The following KCNIP4 variants were observed in gnomAD, a reference collection of about 807,000 sequenced individuals.
The protein encoded by KCNIP4 is Kv channel-interacting protein 4.
Under a neutral mutation model 34.0 loss-of-function variants are expected in KCNIP4, and 12 were observed. The ratio of observed to expected loss-of-function variants is 0.35; its 90% CI spans 0.23 to 0.57. The LOEUF is 0.57. KCNIP4 is among the 20% of genes least tolerant of loss of function. The probability of loss-of-function intolerance (pLI) is 0.83; values close to 1 mark genes in which losing one functional copy is unlikely to be tolerated. For missense variants in KCNIP4, 238 were observed against 311.7 expected (o/e 0.76, Z 1.78); for synonymous variants, 124 against 102.2 (o/e 1.21, Z -1.29).
At chr4:21,389,871 C>G (rs1050361047) in intron 1 of KCNIP4, among the ~76,000 whole-genome samples, 1 of 152,010 alleles carries the variant, frequency 6.6e-6, no homozygotes, top group Non-Finnish European at 1.5e-5. Flanking sequence ...CTTGAGGAAT[C>G]GCCACACTGT....
At chr4:21,842,053 C>A (rs1723718688) in intron 1 of KCNIP4, among the ~76,000 whole-genome samples, 2 of 152,172 alleles carry the variant, frequency 1.3e-5, no homozygotes, top group African/African-American at 4.8e-5. Flanking sequence ...CTTGGCAGAA[C>A]CTGTAAGTGC....
intron 1 of KCNIP4, among the ~76,000 whole-genome samples, chr4:21,272,300 C>T (rs1762200355): frequency 6.6e-6 from 1 of 152,128 alleles, no homozygotes; most frequent in South Asian, 2.1e-4. Flanking sequence ...ATTACAAATG[C>T]TATATTAGAG....
intron 1 of KCNIP4, among the ~76,000 whole-genome samples, chr4:21,056,704 C>A (rs1192365185): frequency 6.6e-6 from 1 of 152,114 alleles, no homozygotes; most frequent in Admixed American, 6.5e-5. Context: ...CTATTATAAA[C>A]CTTTGTGACC....
chr4:21,630,192 C>T (rs926465917), intron 1 of KCNIP4, among the ~76,000 whole-genome samples: 3 of 151,248 alleles, frequency 2.0e-5, no homozygotes, highest in Admixed American at 6.6e-5. Context: ...AAGCCTTCAG[C>T]GCGGTGGCTC....
intron 1 of KCNIP4, among the ~76,000 whole-genome samples, chr4:20,963,020 G>A (rs1353035447): frequency 1.3e-5 from 2 of 152,100 alleles, no homozygotes; most frequent in African/African-American, 4.8e-5. Context: ...AAATTGAAAT[G>A]GGAGCATGAT....
chr4:20,980,801 C>T (rs922003675), intron 1 of KCNIP4, among the ~76,000 whole-genome samples: 1 of 147,772 alleles, frequency 6.8e-6, no homozygotes, highest in Non-Finnish European at 1.5e-5. Context: ...ACCTTCACTT[C>T]TCCACCATAA....
intron 2 of KCNIP4, among the ~76,000 whole-genome samples, chr4:20,868,323 A>G (rs1021596449): frequency 6.6e-6 from 1 of 152,170 alleles, no homozygotes; most frequent in Non-Finnish European, 1.5e-5. Flanking sequence ...CAGAATGGCT[A>G]TTATTAGAAA....
At chr4:21,165,653 G>T (rs961928854) in intron 1 of KCNIP4, among the ~76,000 whole-genome samples, 4 of 151,984 alleles carry the variant, frequency 2.6e-5, no homozygotes, top group African/African-American at 9.7e-5. Context: ...CTAGATATGA[G>T]ACCAAAAACA....
At chr4:21,756,095 C>T (rs1011025029) in intron 1 of KCNIP4, among the ~76,000 whole-genome samples, 2 of 152,162 alleles carry the variant, frequency 1.3e-5, no homozygotes, top group Non-Finnish European at 2.9e-5. Context: ...TCAACTGATA[C>T]TTTATAGCTA....
At chr4:21,790,937 TG>T (rs1720234839) in intron 1 of KCNIP4, among the ~76,000 whole-genome samples, 1 of 131,710 alleles carries the variant, frequency 7.6e-6, no homozygotes, top group Non-Finnish European at 1.5e-5. Flanking sequence ...TCAACTGAAA[TG>T]TGTGGCTCCT....
intron 1 of KCNIP4, among the ~76,000 whole-genome samples, chr4:21,167,619 T>A (rs1230498590): frequency 2.6e-5 from 4 of 152,204 alleles, no homozygotes; most frequent in South Asian, 2.1e-4. Context: ...ACATTGAGAT[T>A]CAAAGCATTG....
chr4:21,677,374 A>G (rs1463182597), intron 1 of KCNIP4, among the ~76,000 whole-genome samples: 1 of 152,238 alleles, frequency 6.6e-6, no homozygotes, highest in Non-Finnish European at 1.5e-5. Flanking sequence ...ATATTATCAC[A>G]GAAGGTTCCT....
intron 1 of KCNIP4, among the ~76,000 whole-genome samples, chr4:21,195,158 G>A (rs1185603211): frequency 6.6e-6 from 1 of 152,138 alleles, no homozygotes; most frequent in Non-Finnish European, 1.5e-5. Flanking sequence ...CTCCCTCAAG[G>A]TCATTGATGA....
chr4:21,468,059 C>T (rs1730146566), intron 1 of KCNIP4, among the ~76,000 whole-genome samples: 1 of 152,086 alleles, frequency 6.6e-6, no homozygotes, highest in African/African-American at 2.4e-5. Flanking sequence ...AAATGGATCA[C>T]TCTGCAAAAA....
intron 1 of KCNIP4, among the ~76,000 whole-genome samples, chr4:21,116,319 T>C (rs929987229): frequency 2.0e-5 from 3 of 152,252 alleles, no homozygotes; most frequent in Non-Finnish European, 2.9e-5. Flanking sequence ...TTGCTGTTGT[T>C]GTTGTGGCTT....
At chr4:21,599,038 A>T (rs956109568) in intron 1 of KCNIP4, among the ~76,000 whole-genome samples, 10 of 152,024 alleles carry the variant, frequency 6.6e-5, no homozygotes, top group African/African-American at 2.4e-4. Context: ...CTACAGCTGG[A>T]TTATTGTTTT....
chr4:21,690,501 G>T (rs1323633252), intron 1 of KCNIP4, among the ~76,000 whole-genome samples: 3 of 151,986 alleles, frequency 2.0e-5, no homozygotes, highest in Non-Finnish European at 4.4e-5. Flanking sequence ...AAAGAATCTG[G>T]GACCTCCTCT....
intron 3 of KCNIP4, among the ~76,000 whole-genome samples, chr4:20,790,826 G>C (rs1444862179): frequency 6.6e-6 from 1 of 152,142 alleles, no homozygotes; most frequent in African/African-American, 2.4e-5. Flanking sequence ...TACAGACCTT[G>C]ACAAGTTGGT....
intron 1 of KCNIP4, among the ~76,000 whole-genome samples, chr4:21,605,425 G>C (rs182627648): frequency 6.6e-5 from 10 of 152,238 alleles, no homozygotes; most frequent in African/African-American, 1.9e-4. Flanking sequence ...CTGTCATAAA[G>C]CTTCTAGGGC....
Sources: allele counts gnomAD v4.1 joint callset (sites outside exome capture counted in the v4.1 genomes callset), GRCh38; gene constraint gnomAD v4.1.1; transcripts MANE v1.5; gene names NCBI Gene and HGNC (gene_info 2026-07-23, HGNC 2026-07-21).